COL6A5: variants seen among roughly 807,000 people sequenced by gnomAD.
COL6A5 encodes the protein collagen alpha-5(VI) chain.
A neutral mutation model predicts 65.6 loss-of-function variants in COL6A5; 48 were observed. The ratio of observed to expected loss-of-function variants is 0.73; its 90% CI spans 0.58 to 0.93. The LOEUF (loss-of-function observed/expected upper bound fraction) is 0.93. Among genes scored for constraint, COL6A5 ranks in the 40% least tolerant of loss-of-function variants. COL6A5 has a pLI of 0.00. For missense variants in COL6A5, 914 were observed against 928.3 expected (o/e 0.98, Z 0.20); for synonymous variants, 291 against 322.8 (o/e 0.90, Z 1.05).
intron 3 of COL6A5, among the ~76,000 whole-genome samples, chr3:130,442,492 T>C (rs897486797): frequency 6.6e-6 from 1 of 152,222 alleles, no homozygotes; most frequent in Admixed American, 6.5e-5. Context: ...TTTGCAATCA[T>C]GTAGAAGTAG....
intron 3 of COL6A5, among the ~76,000 whole-genome samples, chr3:130,377,667 C>A (rs958097002): frequency 1.3e-5 from 2 of 152,188 alleles, no homozygotes; most frequent in African/African-American, 4.8e-5. Flanking sequence ...TCAGGAAGGT[C>A]TGAGTTCAAA....
intron 6 of COL6A5, among the ~76,000 whole-genome samples, chr3:130,390,255 T>G (rs1355424052): frequency 1.3e-5 from 2 of 152,172 alleles, no homozygotes; most frequent in Non-Finnish European, 2.9e-5. Context: ...TTCAGCTGAC[T>G]CATGCATTAG....
chr3:130,470,738 C>T, intron 6 of COL6A5, 133 bp from the exon 39 acceptor site: 1 of 620,526 alleles, frequency 1.6e-6, no homozygotes, highest in African/African-American at 1.8e-5. Context: ...TCAGAGTGTG[C>T]CTATTTTGTG....
At chr3:130,347,547 T>A (rs1386965542) in intron 1 of COL6A5, among the ~76,000 whole-genome samples, 1 of 152,142 alleles carries the variant, frequency 6.6e-6, no homozygotes, top group Admixed American at 6.5e-5. Flanking sequence ...TCTTGAATCA[T>A]AGCTACATGC....
intron 2 of COL6A5, among the ~76,000 whole-genome samples, 165 bp from the exon 35 acceptor site, chr3:130,440,001 C>G (rs1368313981): frequency 6.6e-6 from 1 of 152,062 alleles, no homozygotes; most frequent in African/African-American, 2.4e-5. Flanking sequence ...CGGAGAAGTA[C>G]CGGGACATTG....
At chr3:130,473,261 A>G (rs1710005375) in intron 7 of COL6A5, among the ~76,000 whole-genome samples, 1 of 152,052 alleles carries the variant, frequency 6.6e-6, no homozygotes. Flanking sequence ...TATATTGTGA[A>G]GGGCCATGAG....
intron 7 of COL6A5, among the ~76,000 whole-genome samples, chr3:130,480,902 A>C (rs1451453608): frequency 6.6e-6 from 1 of 152,104 alleles, no homozygotes; most frequent in Non-Finnish European, 1.5e-5. Flanking sequence ...ACAAGGAAGG[A>C]GTGGAAGGCA....
intron 14 of COL6A5, 132 bp downstream of exon 14, chr3:130,405,791 G>A (rs962407493): frequency 2.2e-6 from 2 of 904,674 alleles, no homozygotes; most frequent in African/African-American, 3.3e-5. Context: ...TTATATAGAT[G>A]AGTTTTCCTG....
At chr3:130,441,012 G>A (rs1312202312) in intron 3 of COL6A5, among the ~76,000 whole-genome samples, 187 bp downstream of exon 35, 1 of 152,108 alleles carries the variant, frequency 6.6e-6, no homozygotes, top group African/African-American at 2.4e-5. Context: ...AAATGGTGAG[G>A]CCTGAGGCCT....
chr3:130,421,286 A>G, intron 26 of COL6A5, 39 bp from the exon 27 acceptor site: 1 of 1,548,688 alleles, frequency 6.5e-7, no homozygotes, highest in Non-Finnish European at 8.7e-7. Context: ...TGCAGAAGTG[A>G]TATGTTGATG....
chr3:130,440,213 G>A, exon 3 of COL6A5: 1 of 1,613,142 alleles, frequency 6.2e-7, no homozygotes, highest in Non-Finnish European at 8.5e-7. Flanking sequence ...CTTACCTGAA[G>A]ATTCATACAT....
At chr3:130,390,187 C>G (rs1456244582) in intron 6 of COL6A5, among the ~76,000 whole-genome samples, 1 of 152,112 alleles carries the variant, frequency 6.6e-6, no homozygotes, top group African/African-American at 2.4e-5. Context: ...CTCTTCTTGG[C>G]ATTTCTTCAT....
chr3:130,449,199 G>A (rs73871008), intron 4 of COL6A5, among the ~76,000 whole-genome samples: 2,143 of 152,198 alleles, frequency 0.014, 56 homozygotes, highest in African/African-American at 0.049. Context: ...GATAGGATTC[G>A]GAGGCGTGGC....
chr3:130,414,206 T>G, intron 22 of COL6A5, 75 bp downstream of exon 22: 1 of 1,184,788 alleles, frequency 8.4e-7, no homozygotes, highest in East Asian at 2.6e-5. Flanking sequence ...GGTATTTCTG[T>G]ATAAAAATAA....
At chr3:130,446,360 A>G (rs1254033013) in intron 4 of COL6A5, among the ~76,000 whole-genome samples, 1 of 152,172 alleles carries the variant, frequency 6.6e-6, no homozygotes, top group Non-Finnish European at 1.5e-5. Context: ...TGTGAGAGGA[A>G]ACTGGTGAGA....
chr3:130,405,535 C>G, intron 13 of COL6A5, 53 bp from the exon 14 acceptor site: 1 of 1,328,992 alleles, frequency 7.5e-7, no homozygotes, highest in Non-Finnish European at 1.1e-6. Flanking sequence ...AAACCACTGG[C>G]AGCTTCTGGC....
chr3:130,483,592 G>T (rs1434985837), intron 7 of COL6A5, among the ~76,000 whole-genome samples: 2 of 152,174 alleles, frequency 1.3e-5, no homozygotes, highest in East Asian at 3.8e-4. Flanking sequence ...AGGTGCTGAT[G>T]TTGGGAGCAA....
At chr3:130,369,025 G>A (rs79208858) in intron 1 of COL6A5, among the ~76,000 whole-genome samples, 1,615 of 152,240 alleles carry the variant, frequency 0.011, 40 homozygotes, top group African/African-American at 0.037. Flanking sequence ...GGAGACTGTG[G>A]TTCCTAAAGC....
chr3:130,395,594 T>C, intron 8 of COL6A5, 129 bp downstream of exon 8: 2 of 762,340 alleles, frequency 2.6e-6, no homozygotes, highest in East Asian at 5.4e-5. Flanking sequence ...ATCTCACTTG[T>C]TGTGCAATGA....
Sources: gnomAD v4.1 joint callset for allele counts (sites outside exome capture counted in the v4.1 genomes callset) on GRCh38, gnomAD v4.1.1 for gene constraint, MANE v1.5 for transcripts, NCBI Gene and HGNC (gene_info 2026-07-23, HGNC 2026-07-21) for gene names.